CMSS1: variants seen among roughly 807,000 people sequenced by gnomAD.
CMSS1 encodes protein CMSS1.
In CMSS1, 33 loss-of-function variants were observed where a neutral mutation model predicts 43.5. That is an observed-to-expected ratio of 0.76 (90% CI 0.57 to 1.01). The LOEUF is 1.01. Ranked by LOEUF, CMSS1 falls within the 50% of genes least tolerant of loss-of-function variation. The pLI, the probability that CMSS1 is intolerant of heterozygous loss-of-function variation, is 0.00. For synonymous variants in CMSS1, 115 were observed against 117.2 expected (o/e 0.98, Z 0.12); for missense variants, 313 against 326.4 (o/e 0.96, Z 0.32).
intron 1 of CMSS1, among the ~76,000 whole-genome samples, chr3:100,096,006 C>A (rs1258295818): frequency 6.6e-6 from 1 of 152,098 alleles, no homozygotes; most frequent in Non-Finnish European, 1.5e-5. Context: ...AGATGACAAA[C>A]AGGCATATGA....
intron 1 of CMSS1, among the ~76,000 whole-genome samples, chr3:99,867,243 C>T (rs1944563949): frequency 6.6e-6 from 1 of 152,132 alleles, no homozygotes; most frequent in African/African-American, 2.4e-5. Context: ...GCAGGAGTTT[C>T]ACCCATTTAG....
intron 1 of CMSS1, among the ~76,000 whole-genome samples, chr3:99,866,306 C>T (rs1294929799): frequency 1.3e-5 from 2 of 152,134 alleles, no homozygotes; most frequent in Admixed American, 6.5e-5. Context: ...GTTTTCACCT[C>T]CTTGTAGTCT....
At position 99,848,892 on chromosome 3, in the gene CMSS1, G is replaced by T. The variant is rs556072407; in HGVS notation, c.64+30849G>T. The T allele has an allele frequency of 6.2e-7, 1 of 1,614,064 alleles. No individual in the cohort carries two copies. Among genetic ancestry groups the T allele is most frequent in the African/African-American group, 1.3e-5 (1 of 74,932 alleles). On this transcript the variant is annotated intron_variant, in intron 1 of 9. Transcript: ENST00000421999. The stretch of plus-strand genomic sequence containing the variant: ...GTATCACTGCAGTACTCGTGTAAGA[G>T]TGAGGACTCTCTGTGGTTGGACTTG...
chr3:100,166,319 T>C lies in CMSS1; in HGVS notation c.356-16T>C. ...TTTACAAAATTATCTACAAAGCATG[T>C]TTATTATATTTCTAGACTCCTGTTT... On this transcript the variant is annotated splice_polypyrimidine_tract_variant and intron_variant, in intron 4 of 9. Coordinates refer to ENST00000421999, the MANE Select transcript of CMSS1 (RefSeq NM_032359.4). The C allele has an allele frequency of 1.3e-6, 2 of 1,547,872 alleles. No individual in the cohort carries two copies. The highest frequency in any genetic ancestry group is 1.8e-6 in the Non-Finnish European group (2 of 1,120,288).
chr3:100,048,917 A>G (rs1470942595), intron 1 of CMSS1, among the ~76,000 whole-genome samples: 9 of 152,242 alleles, frequency 5.9e-5, no homozygotes, highest in Non-Finnish European at 8.8e-5. Context: ...TTGGACAGTT[A>G]TGGAAAAGCA....
intron 1 of CMSS1, among the ~76,000 whole-genome samples, chr3:99,844,854 C>G (rs898451725): frequency 6.6e-6 from 1 of 152,160 alleles, no homozygotes; most frequent in African/African-American, 2.4e-5. Flanking sequence ...TGCACTCTCT[C>G]GCTCTCTTGC....
chr3:100,057,965 A>G (rs1021826496), intron 1 of CMSS1, among the ~76,000 whole-genome samples: 2 of 152,222 alleles, frequency 1.3e-5, no homozygotes, highest in Non-Finnish European at 2.9e-5. Flanking sequence ...GTCTGATGAA[A>G]ATAGCTAGTT....
rs9825382 is a variant in CMSS1, at chr3:99,902,947, G to A, written c.64+84904G>A. Among the ~76,000 whole-genome samples the A allele has an allele frequency of 3.8e-3, 583 of 152,246 alleles. 3 individuals are homozygous for A. Among genetic ancestry groups the A allele is most frequent in the African/African-American group, 0.013 (542 of 41,548 alleles). ...TATAAAATCATAAGCAGTGTGGCAG[G>A]ACAAATACTCCTGTTCACCTAAACC... is the stretch of plus-strand genomic sequence containing the variant. On this transcript the variant is annotated intron_variant, in intron 1 of 9. Transcript: ENST00000421999.
chr3:99,977,129 A>G (rs1366334360), intron 1 of CMSS1, among the ~76,000 whole-genome samples: 1 of 152,220 alleles, frequency 6.6e-6, no homozygotes, highest in African/African-American at 2.4e-5. Flanking sequence ...GAACATTGTC[A>G]TGGAGGGATG....
At chr3:100,140,188 G>C (rs1242427270) in intron 1 of CMSS1, among the ~76,000 whole-genome samples, 1 of 151,766 alleles carries the variant, frequency 6.6e-6, no homozygotes, top group Admixed American at 6.6e-5. Context: ...CTGAAGCAGA[G>C]ATTTGAACCC....
chr3:99,892,704 T>G (rs1576552522), intron 1 of CMSS1, among the ~76,000 whole-genome samples: 2 of 151,888 alleles, frequency 1.3e-5, no homozygotes, highest in East Asian at 3.9e-4. Context: ...CCCATAACTC[T>G]CCCCCAATTC....
chr3:100,121,380 G>A (rs2066618442), intron 1 of CMSS1, among the ~76,000 whole-genome samples: 1 of 151,850 alleles, frequency 6.6e-6, no homozygotes, highest in African/African-American at 2.4e-5. Context: ...TGAGAATGAT[G>A]GTTTCCAGCT....
chr3:99,931,894 C>G (rs1472118833), intron 1 of CMSS1, among the ~76,000 whole-genome samples: 1 of 152,146 alleles, frequency 6.6e-6, no homozygotes, highest in Non-Finnish European at 1.5e-5. Flanking sequence ...ATCAGTTGAA[C>G]TTATAATTGA....
At chr3:100,002,714 G>A (rs180709031) in intron 1 of CMSS1, among the ~76,000 whole-genome samples, 31 of 152,276 alleles carry the variant, frequency 2.0e-4, no homozygotes, top group African/African-American at 7.5e-4. Flanking sequence ...ATGTGGAAAC[G>A]GGGCCTGTGG....
intron 1 of CMSS1, among the ~76,000 whole-genome samples, chr3:100,002,916 C>G (rs1709884369): frequency 6.6e-6 from 1 of 152,218 alleles, no homozygotes; most frequent in African/African-American, 2.4e-5. Context: ...TTCTGAAGCT[C>G]TCTCTGCTGT....
Position 100,167,793 on chromosome 3 carries a change from G to A in CMSS1, c.471G>A (p.Leu157=). Residue 157 remains leucine, a synonymous_variant, in exon 6 of 10, where the codon CTG becomes CTA. Transcript: ENST00000421999. ...RKNHSEKKSV[L]MLIICSSAVR... ...ACCACAGTGAGAAGAAATCGGTCCTGATGCTGATCATCTGCAGCTCGGCCG... is the reference window on the plus strand; with the variant it reads ...ACCACAGTGAGAAGAAATCGGTCCTAATGCTGATCATCTGCAGCTCGGCCG... 3 of 1,613,450 alleles carry A rather than the reference G, an allele frequency of 1.9e-6. No homozygotes were observed. The highest frequency in any genetic ancestry group is 2.5e-6 in the Non-Finnish European group (3 of 1,179,814).
chr3:100,121,392 C>G (rs2066618721), intron 1 of CMSS1, among the ~76,000 whole-genome samples: 1 of 152,114 alleles, frequency 6.6e-6, no homozygotes, highest in Non-Finnish European at 1.5e-5. Context: ...TTTCCAGCTT[C>G]ATTCATGTCC....
chr3:99,885,074 A>G (rs914782080), intron 1 of CMSS1, among the ~76,000 whole-genome samples: 4 of 152,238 alleles, frequency 2.6e-5, no homozygotes, highest in African/African-American at 9.6e-5. Context: ...TCAGCAGTCA[A>G]CTATAGGCTC....
At chr3:100,029,962 C>CT (rs879633323) in intron 1 of CMSS1, among the ~76,000 whole-genome samples, 3 of 152,102 alleles carry the variant, frequency 2.0e-5, no homozygotes, top group Admixed American at 6.6e-5. Context: ...AGTGAGGACT[C>CT]TAAGAAGAAA....
Sources: gnomAD v4.1 joint callset for allele counts (sites outside exome capture counted in the v4.1 genomes callset) on GRCh38, gnomAD v4.1.1 for gene constraint, MANE v1.5 for transcripts, NCBI Gene and HGNC (gene_info 2026-07-23, HGNC 2026-07-21) for gene names.